Variants in TTC29 observed in about 807,000 individuals in gnomAD.
The protein encoded by TTC29 is tetratricopeptide repeat protein 29.
Under a neutral mutation model 58.1 loss-of-function variants are expected in TTC29, and 49 were observed. The ratio of observed to expected loss-of-function variants is 0.84; its 90% CI spans 0.67 to 1.07. The LOEUF is 1.07. Among genes scored for constraint, TTC29 ranks in the 50% least tolerant of loss-of-function variants. TTC29 has a pLI of 0.00. For missense variants in TTC29, 582 were observed against 555.6 expected (o/e 1.05, Z -0.48); for synonymous variants, 209 against 196.8 (o/e 1.06, Z -0.52).
intron 6 of TTC29, among the ~76,000 whole-genome samples, chr4:146,896,588 T>C (rs1467065016): frequency 2.6e-5 from 4 of 152,196 alleles, no homozygotes; most frequent in African/African-American, 9.6e-5. Context: ...TTTTAGGGTG[T>C]GTGAGGAACA....
chr4:146,765,997 G>A (rs1344507111), intron 11 of TTC29, among the ~76,000 whole-genome samples: 1 of 152,062 alleles, frequency 6.6e-6, no homozygotes, highest in Non-Finnish European at 1.5e-5. Flanking sequence ...AACACTAAAG[G>A]TAAGTTAGGG....
intron 6 of TTC29, among the ~76,000 whole-genome samples, chr4:146,894,358 T>G (rs933078826): frequency 6.6e-6 from 1 of 151,678 alleles, no homozygotes; most frequent in African/African-American, 2.4e-5. Context: ...CCATAAAAAA[T>G]GATGAGTTCA....
chr4:146,903,176 A>G (rs1733270023), intron 6 of TTC29, among the ~76,000 whole-genome samples: 1 of 152,060 alleles, frequency 6.6e-6, no homozygotes. Context: ...AGTTATACAG[A>G]TATTTCTTGG....
At chr4:146,796,825 A>T (rs139922616) in intron 11 of TTC29, among the ~76,000 whole-genome samples, 6 of 152,230 alleles carry the variant, frequency 3.9e-5, no homozygotes, top group African/African-American at 1.2e-4. Context: ...GGATGCAAAG[A>T]TGTATGCCAT....
chr4:146,819,012 G>T (rs890733862), intron 10 of TTC29, among the ~76,000 whole-genome samples: 1 of 151,666 alleles, frequency 6.6e-6, no homozygotes, highest in Admixed American at 6.6e-5. Context: ...GCTAAATGAC[G>T]AGTTAATGGG....
intron 4 of TTC29, among the ~76,000 whole-genome samples, chr4:146,924,176 G>A (rs1439010089): frequency 1.3e-5 from 2 of 151,746 alleles, no homozygotes; most frequent in Non-Finnish European, 3.0e-5. Context: ...TCAGTTTCCT[G>A]ATCATCTCCT....
intron 4 of TTC29, among the ~76,000 whole-genome samples, chr4:146,910,197 T>C (rs1317119025): frequency 6.6e-6 from 1 of 151,946 alleles, no homozygotes; most frequent in African/African-American, 2.4e-5. Context: ...ACCACCAAGA[T>C]TGAGTCCAGT....
intron 7 of TTC29, among the ~76,000 whole-genome samples, chr4:146,868,619 A>G (rs898994997): frequency 1.3e-5 from 2 of 152,154 alleles, no homozygotes; most frequent in Non-Finnish European, 2.9e-5. Flanking sequence ...ACATGGTTCA[A>G]CATGACATAC....
At chr4:146,770,036 A>G (rs1273583467) in intron 11 of TTC29, among the ~76,000 whole-genome samples, 1 of 152,006 alleles carries the variant, frequency 6.6e-6, no homozygotes, top group Admixed American at 6.6e-5. Context: ...CTGGGAAAAG[A>G]ATCTGGACTT....
rs577541899 is a variant in TTC29, at chr4:146,728,845, A to G, written c.1331-21294T>C. Among the ~76,000 whole-genome samples the G allele has an allele frequency of 1.8e-3, 144 of 81,294 alleles. 10 individuals carry two copies. The highest frequency in any genetic ancestry group is 5.3e-3 in the African/African-American group (141 of 26,452). The allele number at this position is 81,294 out of a possible 152,430, so 53.3% of individuals were successfully genotyped here. A position where few individuals can be genotyped will look rare whatever the true frequency, so the allele number is the denominator to read the frequency against. On this transcript the variant is annotated intron_variant, in intron 11 of 12. Coordinates refer to ENST00000325106, the MANE Select transcript of TTC29 (RefSeq NM_031956.4). ...TATATACATATATATACACATATATATGTATATATATACACATATATATGT... is the reference window on the plus strand; with the variant it reads ...TATATACATATATATACACATATATGTGTATATATATACACATATATATGT...
At chr4:146,819,268 T>A (rs1751656222) in intron 10 of TTC29, among the ~76,000 whole-genome samples, 1 of 152,252 alleles carries the variant, frequency 6.6e-6, no homozygotes, top group Middle Eastern at 3.4e-3. Flanking sequence ...TGGCCCAAGG[T>A]CACAGATCTT....
intron 11 of TTC29, among the ~76,000 whole-genome samples, chr4:146,763,455 C>T (rs192748078): frequency 1.3e-5 from 2 of 152,092 alleles, no homozygotes; most frequent in African/African-American, 4.8e-5. Context: ...CCAGCTCTAC[C>T]AGAATGTAGT....
intron 11 of TTC29, among the ~76,000 whole-genome samples, chr4:146,744,366 C>T (rs1049794775): frequency 4.6e-5 from 7 of 150,866 alleles, no homozygotes; most frequent in Non-Finnish European, 1.5e-5. Context: ...ACCCCCATCT[C>T]TTAAAAGAGA....
At chr4:146,837,682 G>A (rs1243833872) in intron 8 of TTC29, among the ~76,000 whole-genome samples, 1 of 151,922 alleles carries the variant, frequency 6.6e-6, no homozygotes, top group Admixed American at 6.6e-5. Flanking sequence ...GGCAATCTGA[G>A]GGGTGCACTG....
chr4:146,774,116 T>G (rs529610551), intron 11 of TTC29, among the ~76,000 whole-genome samples: 52 of 152,044 alleles, frequency 3.4e-4, no homozygotes, highest in Non-Finnish European at 6.3e-4. Context: ...TGTGTTCCTT[T>G]GGATATTCTT....
chr4:146,771,524 TTCTG>T (rs1747725974), intron 11 of TTC29, among the ~76,000 whole-genome samples: 1 of 152,094 alleles, frequency 6.6e-6, no homozygotes, highest in Non-Finnish European at 1.5e-5. Flanking sequence ...GGTTTTCTGT[TTCTG>T]TCTTAGTTCA....
At chr4:146,899,383 G>T (rs907512076) in intron 6 of TTC29, among the ~76,000 whole-genome samples, 16 of 152,198 alleles carry the variant, frequency 1.1e-4, no homozygotes, top group African/African-American at 3.9e-4. Context: ...CAGTGAGAAT[G>T]CTGCTTGTCC....
chr4:146,803,126 G>A (rs577809016), intron 11 of TTC29, among the ~76,000 whole-genome samples: 2 of 151,786 alleles, frequency 1.3e-5, no homozygotes, highest in Admixed American at 6.6e-5. Context: ...ATAACATGGC[G>A]CATGCTAAAA....
At chr4:146,910,094 AATTAT>A (rs1332931724) in intron 4 of TTC29, among the ~76,000 whole-genome samples, 3 of 152,048 alleles carry the variant, frequency 2.0e-5, no homozygotes, top group Non-Finnish European at 4.4e-5. Context: ...GCTTTATACT[AATTAT>A]ATTATATTCT....
Sources: allele counts gnomAD v4.1 joint callset (sites outside exome capture counted in the v4.1 genomes callset), GRCh38; gene constraint gnomAD v4.1.1; transcripts MANE v1.5; gene names NCBI Gene and HGNC (gene_info 2026-07-23, HGNC 2026-07-21).